Variants in ATXN2 observed in about 807,000 individuals in gnomAD.
ATXN2 encodes the protein ataxin-2.
ATXN2 carries 37 observed loss-of-function variants against 138.6 expected under a neutral mutation model. The ratio of observed to expected loss-of-function variants is 0.27; its 90% confidence interval spans 0.21 to 0.35. The LOEUF (loss-of-function observed/expected upper bound fraction) is 0.35, where lower values mean the gene tolerates loss of function less well. ATXN2 is among the 10% of genes least tolerant of loss of function. The pLI is 1.00. For synonymous variants in ATXN2, 549 were observed against 543.7 expected, an observed-to-expected ratio of 1.01 and a Z score of -0.13; for missense variants, 1,216 against 1,480.3, an observed-to-expected ratio of 0.82 and a Z score of 2.93.
At chr12:111,576,745 G>A (rs1883675069) in intron 1 of ATXN2, among the ~76,000 whole-genome samples, 1 of 151,130 alleles carries the variant, frequency 6.6e-6, no homozygotes, top group Admixed American at 6.6e-5. Flanking sequence ...GGATCACAAA[G>A]TCAGGAGTTC....
intron 5 of ATXN2, among the ~76,000 whole-genome samples, chr12:111,537,834 G>A (rs1394068633): frequency 6.6e-6 from 1 of 152,040 alleles, no homozygotes; most frequent in African/African-American, 2.4e-5. Context: ...AGAGGTTCAT[G>A]CCTGTAATCC....
intron 5 of ATXN2, among the ~76,000 whole-genome samples, chr12:111,526,177 G>A (rs1163618198): frequency 1.3e-5 from 2 of 151,188 alleles, no homozygotes; most frequent in African/African-American, 4.8e-5. Flanking sequence ...CCAACATGGT[G>A]AAACCCTCTC....
intron 5 of ATXN2, among the ~76,000 whole-genome samples, chr12:111,542,460 T>G (rs576437244): frequency 2.0e-5 from 3 of 152,208 alleles, no homozygotes; most frequent in African/African-American, 7.2e-5. Flanking sequence ...CCTCAGGTGA[T>G]CCGCCACGCC....
chr12:111,474,126 T>C (rs1277523789), intron 18 of ATXN2, among the ~76,000 whole-genome samples: 2 of 152,036 alleles, frequency 1.3e-5, no homozygotes, highest in Non-Finnish European at 2.9e-5. Context: ...GAGGTTGAGG[T>C]GGGAGGACCA....
intron 18 of ATXN2, among the ~76,000 whole-genome samples, chr12:111,480,473 G>A (rs1016377336): frequency 1.3e-5 from 2 of 152,050 alleles, no homozygotes; most frequent in East Asian, 1.9e-4. Context: ...TCAGGAGTTC[G>A]AGACCAGCCT....
intron 16 of ATXN2, 59 bp from the exon 17 acceptor site, chr12:111,485,924 T>C (rs922492070): frequency 3.4e-5 from 52 of 1,516,842 alleles, no homozygotes; most frequent in Middle Eastern, 1.7e-4. Flanking sequence ...ATTATTGCAA[T>C]TTAAAGACGG....
chr12:111,599,595 C>A, upstream of ATXN2: 1 of 1,098,240 alleles, frequency 9.1e-7, no homozygotes, highest in Non-Finnish European at 1.1e-6. Flanking sequence ...AGGGGTCAGA[C>A]GGAAGCAGAA....
In ATXN2 at chr12:111,560,996, G is replaced by C. The variant is rs139576524; in HGVS notation, c.252-5077C>G. Among the ~76,000 whole-genome samples, 4 of 151,218 alleles carry C rather than the reference G, an allele frequency of 2.6e-5. 1 individual carries two copies. The South Asian group carries it at 8.4e-4, about 32-fold the overall frequency. ...TCCCAGCACTCCAGGAGGCCAAGGC[G>C]GGCTGAAACCCCATCTCTACTAAAA... On this transcript the variant is annotated intron_variant, in intron 1 of 24. Transcript: ENST00000673436.
At chr12:111,460,561 C>T (rs547175437) in intron 21 of ATXN2, among the ~76,000 whole-genome samples, 7 of 151,912 alleles carry the variant, frequency 4.6e-5, no homozygotes, top group South Asian at 2.1e-4. Context: ...AGATACAGTA[C>T]GGAATCTCAG....
chr12:111,492,614 G>A (rs903036884), intron 14 of ATXN2, among the ~76,000 whole-genome samples: 16 of 152,120 alleles, frequency 1.1e-4, no homozygotes, highest in Admixed American at 1.3e-4. Context: ...TCCGGGAGAC[G>A]GAGGTTGCGG....
At chr12:111,476,304 T>G (rs1489780571) in intron 18 of ATXN2, among the ~76,000 whole-genome samples, 1 of 152,114 alleles carries the variant, frequency 6.6e-6, no homozygotes, top group African/African-American at 2.4e-5. Context: ...CCAACAACCA[T>G]TCATGATTAA....
At chr12:111,551,930 G>C (rs1335103006) in intron 5 of ATXN2, among the ~76,000 whole-genome samples, 1 of 151,594 alleles carries the variant, frequency 6.6e-6, no homozygotes, top group Non-Finnish European at 1.5e-5. Context: ...ACCCAGGCTG[G>C]AGTGCAGTGG....
At chr12:111,518,687 A>G (rs559639859) in intron 8 of ATXN2, among the ~76,000 whole-genome samples, 1 of 152,212 alleles carries the variant, frequency 6.6e-6, no homozygotes, top group South Asian at 2.1e-4. Flanking sequence ...TGACCTCTCT[A>G]TGGCTGATTC....
rs374385876 is a variant in ATXN2, at chr12:111,525,287, T to C, written c.601A>G (p.Lys201Glu). The change falls in exon 6 of 25, where the codon AAA becomes GAA. Residue 201 changes from lysine to glutamate, a missense_variant. Transcript: ENST00000673436. Reference sequence around the variant, plus strand: ...TTCTCTTTGTGTTCGCCATTCACTTTAGCACTGATAGCAGAGTCAGTAAAA... The same window carrying C: ...TTCTCTTTGTGTTCGCCATTCACTTCAGCACTGATAGCAGAGTCAGTAAAA... The part of the protein sequence containing the change: ...DAFTDSAISA[K>E]VNGEHKEKDL... The C allele has an allele frequency of 8.7e-6, 14 of 1,608,146 alleles. No individual in the cohort carries two copies. Among genetic ancestry groups the C allele is most frequent in the African/African-American group, 6.7e-5 (5 of 74,698 alleles).
In ATXN2 at chr12:111,486,711, A is replaced by T. The variant is rs545081348; in HGVS notation, c.2304+50T>A. ...TATGGAAGAAGGACTATTACTAATA[A>T]TTTTTCTTTTTTTGGGACTAGATAA... is the stretch of plus-strand genomic sequence containing the variant. On this transcript the variant is annotated intron_variant, in intron 16 of 24. Transcript: ENST00000673436. 2.7e-6 allele frequency: 4 copies of T among 1,483,164 alleles called. No individual in the cohort carries two copies. In the African/African-American group the frequency reaches 5.6e-5, roughly 21 times the overall value. The allele number at this position is 1,483,164 out of a possible 1,614,324, so 91.9% of individuals were successfully genotyped here. A position where few individuals can be genotyped will look rare whatever the true frequency, so the allele number is the denominator to read the frequency against.
intron 1 of ATXN2, among the ~76,000 whole-genome samples, chr12:111,591,543 T>C (rs1884665817): frequency 6.6e-6 from 1 of 151,992 alleles, no homozygotes; most frequent in South Asian, 2.1e-4. Flanking sequence ...TGTACACCTG[T>C]AGTTCCAGCT....
At chr12:111,594,781 T>C (rs549694743) in intron 1 of ATXN2, among the ~76,000 whole-genome samples, 1 of 152,202 alleles carries the variant, frequency 6.6e-6, no homozygotes, top group East Asian at 1.9e-4. Flanking sequence ...GGCTAGCAGC[T>C]AATAAAAAAC....
intron 5 of ATXN2, among the ~76,000 whole-genome samples, chr12:111,550,735 A>G (rs1882075663): frequency 6.6e-6 from 1 of 152,166 alleles, no homozygotes; most frequent in Admixed American, 6.5e-5. Context: ...AAAACAGAAC[A>G]CTGTGCTTTC....
intron 21 of ATXN2, among the ~76,000 whole-genome samples, chr12:111,461,466 G>A (rs759911211): frequency 2.9e-4 from 42 of 144,048 alleles, no homozygotes; most frequent in Non-Finnish European, 4.7e-4. Context: ...GCGAAACTCC[G>A]TCTCAAAAAA....
Sources: allele counts gnomAD v4.1 joint callset (sites outside exome capture counted in the v4.1 genomes callset), GRCh38; gene constraint gnomAD v4.1.1; transcripts MANE v1.5; gene names NCBI Gene and HGNC (gene_info 2026-07-23, HGNC 2026-07-21).